TMTC2: variants seen among roughly 807,000 people sequenced by gnomAD.
TMTC2 encodes the protein protein O-mannosyl-transferase TMTC2.
In TMTC2, 43 loss-of-function variants were observed where a neutral mutation model predicts 82.4. The observed-to-expected ratio is 0.52, with a 90% CI of 0.41 to 0.67. The LOEUF (loss-of-function observed/expected upper bound fraction) is 0.67, where lower values mean the gene tolerates loss of function less well. Ranked by LOEUF, TMTC2 falls within the 30% of genes least tolerant of loss-of-function variation. The pLI is 0.00. For synonymous variants in TMTC2, 408 were observed against 381.9 expected (o/e 1.07, Z -0.80); for missense variants, 919 against 1,012.4 (o/e 0.91, Z 1.25).
intron 11 of TMTC2, among the ~76,000 whole-genome samples, chr12:83,073,253 T>A (rs925439390): frequency 1.3e-5 from 2 of 152,182 alleles, no homozygotes; most frequent in Non-Finnish European, 2.9e-5. Context: ...TTTTGCTGGA[T>A]ACAAAATTCT....
chr12:82,899,366 C>G (rs943575928), intron 3 of TMTC2, among the ~76,000 whole-genome samples: 1 of 151,658 alleles, frequency 6.6e-6, no homozygotes, highest in Non-Finnish European at 1.5e-5. Context: ...CACAGTTGAC[C>G]TCCTCTTTTC....
At chr12:82,933,828 T>C (rs926145405) in intron 4 of TMTC2, among the ~76,000 whole-genome samples, 2 of 129,856 alleles carry the variant, frequency 1.5e-5, no homozygotes, top group Non-Finnish European at 3.4e-5. Flanking sequence ...TCTTGGAAAA[T>C]ATAAAGTAAG....
chr12:83,073,559 T>A (rs150320292), intron 11 of TMTC2, among the ~76,000 whole-genome samples: 1,789 of 152,286 alleles, frequency 0.012, 40 homozygotes, highest in African/African-American at 0.041. Flanking sequence ...CTTGATTATT[T>A]CCCCAAATAT....
rs1299737697 is a variant in TMTC2 at position 82,687,572 on chromosome 12, G to C, written c.-15G>C. The C allele has an allele frequency of 6.3e-7, 1 of 1,590,918 alleles. No individual in the cohort carries two copies. The highest frequency in any genetic ancestry group is 1.3e-5 in the African/African-American group (1 of 74,926). ...CTCGCGCTGGGAGCCGAGCCGGAGG[G>C]AAGGCGGTGGAGAGATGATTGCAGA... On this transcript the variant is annotated 5_prime_UTR_variant, in exon 1 of 12. Transcript: ENST00000321196.
At chr12:83,005,421 TG>T (rs1266187067) in intron 8 of TMTC2, among the ~76,000 whole-genome samples, 1 of 151,834 alleles carries the variant, frequency 6.6e-6, no homozygotes, top group Non-Finnish European at 1.5e-5. Context: ...AGTAGTGCTC[TG>T]TGGTGGGGGA....
intron 11 of TMTC2, among the ~76,000 whole-genome samples, chr12:83,105,264 C>T (rs1358467683): frequency 6.6e-6 from 1 of 152,180 alleles, no homozygotes; most frequent in Non-Finnish European, 1.5e-5. Context: ...AACCTCTGCC[C>T]ATTACCAAGT....
At chr12:82,688,332 T>C (rs12423043) in intron 1 of TMTC2, among the ~76,000 whole-genome samples, 21,418 of 152,124 alleles carry the variant, frequency 0.14, 1,787 homozygotes, top group East Asian at 0.36. Context: ...GTACATTAGA[T>C]GTTAGTGGTT....
intron 9 of TMTC2, among the ~76,000 whole-genome samples, chr12:83,037,999 A>G (rs918308173): frequency 2.6e-5 from 4 of 152,080 alleles, no homozygotes; most frequent in Non-Finnish European, 5.9e-5. Flanking sequence ...CGGTTTTAAA[A>G]GTTAGGTAAC....
At chr12:83,097,206 A>C (rs879789942) in intron 11 of TMTC2, among the ~76,000 whole-genome samples, 4 of 152,130 alleles carry the variant, frequency 2.6e-5, no homozygotes, top group Non-Finnish European at 5.9e-5. Flanking sequence ...GATCAAGGAG[A>C]GATGGGTTTT....
At chr12:83,097,753 C>T (rs545128130) in intron 11 of TMTC2, among the ~76,000 whole-genome samples, 61 of 152,176 alleles carry the variant, frequency 4.0e-4, no homozygotes, top group Middle Eastern at 3.4e-3. Flanking sequence ...CTCTAAATGA[C>T]GAGATTTAAT....
intron 4 of TMTC2, among the ~76,000 whole-genome samples, chr12:82,961,765 G>A (rs1877948038): frequency 6.6e-6 from 1 of 151,942 alleles, no homozygotes; most frequent in African/African-American, 2.4e-5. Context: ...CTGTCCTCCA[G>A]TACAGTAATT....
chr12:82,900,771 G>A (rs1406226499), intron 3 of TMTC2, among the ~76,000 whole-genome samples: 3 of 118,582 alleles, frequency 2.5e-5, no homozygotes, highest in African/African-American at 6.3e-5. Context: ...TATATAGAGA[G>A]GTATATATAT....
chr12:82,903,070 C>T (rs1010702911), intron 3 of TMTC2, among the ~76,000 whole-genome samples: 2 of 152,100 alleles, frequency 1.3e-5, no homozygotes, highest in African/African-American at 2.4e-5. Flanking sequence ...AAGCTCCTGC[C>T]GCAGAGCTTT....
chr12:82,750,289 A>G (rs985206567), intron 1 of TMTC2, among the ~76,000 whole-genome samples: 1 of 151,764 alleles, frequency 6.6e-6, no homozygotes, highest in East Asian at 1.9e-4. Flanking sequence ...ACTTTCTACA[A>G]TGCTGGCCAT....
Position 82,896,353 on chromosome 12 carries a change from C to G in TMTC2, c.1190C>G (p.Ser397Cys). 1 of 1,614,098 alleles carries G rather than the reference C, an allele frequency of 6.2e-7. No individual in the cohort carries two copies. The highest frequency in any genetic ancestry group is 8.5e-7 in the Non-Finnish European group (1 of 1,180,022). Residue 397 changes from serine to cysteine, a missense_variant, in exon 3 of 12, where the codon TCT becomes TGT. Ser to Cys is a moderately radical substitution (Grantham distance 112). Coordinates refer to ENST00000321196, the MANE Select transcript of TMTC2 (RefSeq NM_152588.3). ...TCTACGGAGAACATTGTTGTTCTGT[C>G]TTTATCTTTGTTAATCATACCCTTT... ...LPSTENIVVL[S>C]LSLLIIPFVP...
intron 1 of TMTC2, among the ~76,000 whole-genome samples, chr12:82,774,265 A>G (rs1877467704): frequency 6.6e-6 from 1 of 152,148 alleles, no homozygotes; most frequent in Non-Finnish European, 1.5e-5. Context: ...GTGTATGTAT[A>G]TATATGGTGC....
chr12:83,046,367 A>T (rs1267882434), intron 9 of TMTC2, among the ~76,000 whole-genome samples: 1 of 152,208 alleles, frequency 6.6e-6, no homozygotes, highest in Non-Finnish European at 1.5e-5. Context: ...ACTTGTTAAA[A>T]ATGCAAATCT....
chr12:83,121,270 C>T (rs1592507226), intron 11 of TMTC2, among the ~76,000 whole-genome samples: 1 of 152,166 alleles, frequency 6.6e-6, no homozygotes, highest in East Asian at 1.9e-4. Context: ...GGTTCCTTCT[C>T]ATTTGAGTAG....
At chr12:82,924,093 T>G (rs369002743) in intron 3 of TMTC2, among the ~76,000 whole-genome samples, 30 of 152,346 alleles carry the variant, frequency 2.0e-4, no homozygotes, top group African/African-American at 7.2e-4. Flanking sequence ...TATTTGAGGA[T>G]AATGAAATCC....
Sources: allele counts gnomAD v4.1 joint callset (sites outside exome capture counted in the v4.1 genomes callset), GRCh38; gene constraint gnomAD v4.1.1; transcripts MANE v1.5; gene names NCBI Gene and HGNC (gene_info 2026-07-23, HGNC 2026-07-21).